PRKG2: variants seen among roughly 807,000 people sequenced by gnomAD.
PRKG2 encodes the protein cGMP-dependent protein kinase 2.
Under a neutral mutation model 97.2 loss-of-function variants are expected in PRKG2, and 33 were observed. The observed-to-expected ratio is 0.34, with a 90% CI of 0.26 to 0.45. The LOEUF is 0.45. Ranked by LOEUF, PRKG2 falls within the 20% of genes least tolerant of loss-of-function variation. The pLI is 1.00. For synonymous variants in PRKG2, 330 were observed against 321.8 expected, an observed-to-expected ratio of 1.03 and a Z score of -0.27; for missense variants, 638 against 900.0, an observed-to-expected ratio of 0.71 and a Z score of 3.73.
chr4:81,131,596 T>C (rs141898175), intron 14 of PRKG2, among the ~76,000 whole-genome samples: 192 of 152,364 alleles, frequency 1.3e-3, no homozygotes, highest in South Asian at 3.9e-3. Flanking sequence ...CCTCAAATTG[T>C]GAAAATATTA....
chr4:81,132,034 T>G lies in PRKG2; in HGVS notation c.1776+3121A>C, dbSNP rs1746232699. Among the ~76,000 whole-genome samples the G allele has an allele frequency of 2.6e-5, 4 of 152,254 alleles. No homozygotes were observed. The East Asian group carries it at 7.7e-4, about 29-fold the overall frequency. ...TCTTAGAGAGTAGCTTATCAAATAT[T>G]GAATTATCTAATCCATGAATATAGT... On this transcript the variant is annotated intron_variant, in intron 14 of 18. Transcript: ENST00000264399.
Position 81,169,395 on chromosome 4 carries a change from C to T in PRKG2, c.848+268G>A, listed in dbSNP as rs140820918. On this transcript the variant is annotated intron_variant, in intron 5 of 18. Coordinates refer to ENST00000264399, the MANE Select transcript of PRKG2 (RefSeq NM_006259.3). ...CCCAATTAATAATTTAGGTTTTTTG[C>T]ACATTTTTCTATGCTGTGCACTATC... Among the ~76,000 whole-genome samples, 122 of 152,104 alleles carry T rather than the reference C, an allele frequency of 8.0e-4. No homozygotes were observed. In the East Asian group the frequency reaches 0.021, roughly 26 times the overall value.
intron 2 of PRKG2, among the ~76,000 whole-genome samples, chr4:81,183,898 C>A (rs1751648440): frequency 6.6e-6 from 1 of 152,158 alleles, no homozygotes; most frequent in Non-Finnish European, 1.5e-5. Context: ...CTAGGTGGAG[C>A]CCACCACAGC....
At chr4:81,198,823 G>T (rs902225834) in intron 2 of PRKG2, among the ~76,000 whole-genome samples, 1 of 152,072 alleles carries the variant, frequency 6.6e-6, no homozygotes, top group Non-Finnish European at 1.5e-5. Flanking sequence ...TCATCCCATC[G>T]CTGAGTAGCT....
At chr4:81,173,912 C>T (rs1057021211) in intron 3 of PRKG2, 1 of 152,000 alleles carries the variant, frequency 6.6e-6, no homozygotes, top group Non-Finnish European at 1.5e-5. Flanking sequence ...AGCATTCCTC[C>T]ATTCATCACT....
At chr4:81,140,021 G>A (rs565908602) in intron 12 of PRKG2, among the ~76,000 whole-genome samples, 6 of 152,182 alleles carry the variant, frequency 3.9e-5, no homozygotes, top group African/African-American at 7.2e-5. Context: ...ACTGGAGGTC[G>A]TTATGTTATG....
Position 81,105,827 on chromosome 4 carries a change from A to G in PRKG2, c.2049T>C (p.Ile683=). 6.2e-7 allele frequency: 1 copy of G among 1,613,848 alleles called. No individual in the cohort carries two copies. Among genetic ancestry groups the G allele is most frequent in the Non-Finnish European group, 8.5e-7 (1 of 1,179,788 alleles). The change falls in exon 16 of 19, where the codon ATT becomes ATC. Residue 683 remains isoleucine (I), a synonymous_variant. Transcript: ENST00000264399. ...RKITRRPEDL[I]RRLCRQNPTE... ...GTCATTCTCACCTGCAAAGCCTCCG[A>G]ATCAAATCCTCAGGTCGTCGTGTTA...
intron 2 of PRKG2, among the ~76,000 whole-genome samples, chr4:81,189,063 T>TAAAA (rs1401411435): frequency 3.1e-4 from 2 of 6,418 alleles, no homozygotes; most frequent in Admixed American, 2.1e-3. Context: ...TTAAAAAAAA[T>TAAAA]AATAAAAAAA....
intron 17 of PRKG2, among the ~76,000 whole-genome samples, chr4:81,100,330 T>C (rs1408780442): frequency 6.6e-6 from 1 of 152,096 alleles, no homozygotes; most frequent in Admixed American, 6.6e-5. Context: ...AAGGCTACAG[T>C]AACAAAAACA....
chr4:81,095,171 G>A (rs1300245984), intron 17 of PRKG2, among the ~76,000 whole-genome samples: 2 of 152,238 alleles, frequency 1.3e-5, no homozygotes, highest in Non-Finnish European at 1.5e-5. Flanking sequence ...GAAAAGGAAC[G>A]AAAAACAGAG....
At chr4:81,142,211 A>T (rs1014265071) in intron 11 of PRKG2, among the ~76,000 whole-genome samples, 1 of 152,234 alleles carries the variant, frequency 6.6e-6, no homozygotes, top group African/African-American at 2.4e-5. Flanking sequence ...TCAGGCTGTA[A>T]GTTCCCAGAT....
At chr4:81,108,761 G>A (rs1743618419) in intron 15 of PRKG2, among the ~76,000 whole-genome samples, 1 of 152,060 alleles carries the variant, frequency 6.6e-6, no homozygotes, top group Non-Finnish European at 1.5e-5. Context: ...GCTGGGCATG[G>A]TGGCATGTGC....
At chr4:81,139,691 C>T (rs374089558) in intron 12 of PRKG2, among the ~76,000 whole-genome samples, 6 of 148,694 alleles carry the variant, frequency 4.0e-5, no homozygotes, top group African/African-American at 1.2e-4. Context: ...AGGAGAATGG[C>T]GTGAACCCCA....
intron 3 of PRKG2, 46 bp downstream of exon 3, chr4:81,174,747 C>T (rs769521138): frequency 3.3e-6 from 5 of 1,516,262 alleles, no homozygotes; most frequent in East Asian, 4.6e-5. Flanking sequence ...AAAATCATAA[C>T]AGGCAAAATA....
intron 14 of PRKG2, among the ~76,000 whole-genome samples, chr4:81,113,725 C>G (rs1244201216): frequency 1.3e-5 from 2 of 152,098 alleles, no homozygotes; most frequent in African/African-American, 4.8e-5. Context: ...CTAATTAAAC[C>G]AGATGATTCA....
intron 1 of PRKG2, among the ~76,000 whole-genome samples, chr4:81,213,388 A>G (rs781634800): frequency 2.0e-5 from 3 of 152,180 alleles, no homozygotes; most frequent in Non-Finnish European, 4.4e-5. Flanking sequence ...TGTACCAATA[A>G]GAGATTTAGG....
chr4:81,105,589 T>C (rs1184088964), intron 16 of PRKG2, among the ~76,000 whole-genome samples: 2 of 152,188 alleles, frequency 1.3e-5, no homozygotes, highest in East Asian at 3.8e-4. Context: ...AAAATTTAGA[T>C]CTTTTTTTAA....
intron 2 of PRKG2, among the ~76,000 whole-genome samples, chr4:81,185,721 G>C (rs1489099200): frequency 6.6e-6 from 1 of 152,110 alleles, no homozygotes; most frequent in Non-Finnish European, 1.5e-5. Context: ...GCTGTGTTCA[G>C]GAGATCCATC....
intron 14 of PRKG2, among the ~76,000 whole-genome samples, chr4:81,124,951 A>G (rs1287935664): frequency 3.3e-5 from 5 of 151,988 alleles, no homozygotes; most frequent in Non-Finnish European, 2.9e-5. Flanking sequence ...TTTAGTTTCT[A>G]TTTCTTAAAT....
Sources: allele counts gnomAD v4.1 joint callset (sites outside exome capture counted in the v4.1 genomes callset), GRCh38; gene constraint gnomAD v4.1.1; transcripts MANE v1.5; gene names NCBI Gene and HGNC (gene_info 2026-07-23, HGNC 2026-07-21).